The following GLIS3 variants were observed in gnomAD, a reference collection of about 807,000 sequenced individuals.
GLIS3 encodes the protein zinc finger protein GLIS3.
In GLIS3, 53 loss-of-function variants were observed where a neutral mutation model predicts 78.6. The ratio of observed to expected loss-of-function variants is 0.67; its 90% confidence interval spans 0.54 to 0.85. The LOEUF (loss-of-function observed/expected upper bound fraction) is 0.85, where lower values mean the gene tolerates loss of function less well. Ranked by LOEUF, GLIS3 falls within the 40% of genes least tolerant of loss-of-function variation. The pLI, the probability that GLIS3 is intolerant of heterozygous loss-of-function variation, is 0.00. For synonymous variants in GLIS3, 684 were observed against 509.9 expected, an observed-to-expected ratio of 1.34 and a Z score of -4.60; for missense variants, 1,703 against 1,231.1, an observed-to-expected ratio of 1.38 and a Z score of -5.74.
chr9:4,377,150 G>A, the GLIS3 span, among the ~76,000 whole-genome samples: 1 of 135,296 alleles, frequency 7.4e-6, no homozygotes, highest in African/African-American at 2.6e-5. Context: ...GGGTGTGTCT[G>A]TGAGGGTGTT....
rs557162127 is a variant in GLIS3 at position 3,982,741 on chromosome 9, T to C, written c.1711-45552A>G. On this transcript the variant is annotated intron_variant, in intron 4 of 10. Transcript: ENST00000381971. Reference sequence around the variant, plus strand: ...AGATAGTTTCAAACTCTTTTCTTCATCAAAACTTTTCTCGCCAAAACAGAA... The same window carrying C: ...AGATAGTTTCAAACTCTTTTCTTCACCAAAACTTTTCTCGCCAAAACAGAA... Among the ~76,000 whole-genome samples the C allele has an allele frequency of 1.8e-4, 27 of 152,282 alleles. No homozygotes were observed. In the South Asian group the frequency reaches 5.6e-3, roughly 32 times the overall value.
At chr9:4,282,078 C>G (rs1477249412) in intron 2 of GLIS3, among the ~76,000 whole-genome samples, 2 of 152,186 alleles carry the variant, frequency 1.3e-5, no homozygotes, top group Admixed American at 1.3e-4. Context: ...AAAGATTCTT[C>G]AGTCTTCAAG....
At chr9:4,097,887 T>C (rs1008708328) in intron 4 of GLIS3, among the ~76,000 whole-genome samples, 8 of 152,112 alleles carry the variant, frequency 5.3e-5, no homozygotes, top group Non-Finnish European at 4.4e-5. Flanking sequence ...AACAAAAAAG[T>C]CTGAATTCTA....
At chr9:4,033,443 T>C (rs779817636) in intron 4 of GLIS3, among the ~76,000 whole-genome samples, 2 of 152,072 alleles carry the variant, frequency 1.3e-5, no homozygotes, top group Non-Finnish European at 2.9e-5. Context: ...CAGCAAGGTC[T>C]AGAAGGAGGA....
chr9:3,917,765 C>T (rs1824618573), intron 6 of GLIS3, among the ~76,000 whole-genome samples: 1 of 152,142 alleles, frequency 6.6e-6, no homozygotes, highest in Non-Finnish European at 1.5e-5. Flanking sequence ...CTATTGAAAC[C>T]ACCGTTCCTG....
the GLIS3 span, among the ~76,000 whole-genome samples, chr9:4,409,149 C>T: frequency 6.6e-6 from 1 of 152,254 alleles, no homozygotes; most frequent in East Asian, 1.9e-4. Flanking sequence ...TCATTTTCTG[C>T]TTATATAAGC....
intron 4 of GLIS3, among the ~76,000 whole-genome samples, chr9:3,971,553 C>T (rs112762820): frequency 2.8e-4 from 42 of 152,258 alleles, no homozygotes; most frequent in African/African-American, 9.6e-4. Context: ...AACAAAGACA[C>T]AGACACAACT....
At chr9:4,419,899 C>T in the GLIS3 span, among the ~76,000 whole-genome samples, 1 of 152,178 alleles carries the variant, frequency 6.6e-6, no homozygotes, top group Non-Finnish European at 1.5e-5. Flanking sequence ...CATCTCCCAC[C>T]AGGCCTCACC....
intron 2 of GLIS3, among the ~76,000 whole-genome samples, chr9:4,343,873 A>G (rs542087115): frequency 6.6e-6 from 1 of 152,262 alleles, no homozygotes; most frequent in East Asian, 1.9e-4. Flanking sequence ...TTGAGTACAC[A>G]TGGACTCAAA....
At chr9:4,407,213 G>A in the GLIS3 span, among the ~76,000 whole-genome samples, 1 of 152,198 alleles carries the variant, frequency 6.6e-6, no homozygotes, top group Non-Finnish European at 1.5e-5. Flanking sequence ...TCTTCAATAA[G>A]TGACACTGGG....
chr9:4,203,707 G>A (rs181166513), intron 2 of GLIS3, among the ~76,000 whole-genome samples: 160 of 152,266 alleles, frequency 1.1e-3, no homozygotes, highest in Admixed American at 3.0e-3. Flanking sequence ...ATGAACCTAG[G>A]TGCCCCCGTC....
chr9:4,312,921 G>A (rs1817386607), intron 2 of GLIS3, among the ~76,000 whole-genome samples: 1 of 152,230 alleles, frequency 6.6e-6, no homozygotes, highest in African/African-American at 2.4e-5. Context: ...ACACTACGAG[G>A]TTGGTAACGT....
chr9:4,418,630 C>T, the GLIS3 span, among the ~76,000 whole-genome samples: 1 of 151,794 alleles, frequency 6.6e-6, no homozygotes, highest in Non-Finnish European at 1.5e-5. Context: ...ACCTGGGAGG[C>T]AGAGGTTGCA....
upstream of GLIS3, among the ~76,000 whole-genome samples, chr9:4,352,752 C>T (rs563677064): frequency 6.6e-6 from 1 of 152,318 alleles, no homozygotes; most frequent in African/African-American, 2.4e-5. Context: ...CTCTTGGCAA[C>T]AATACTTGGA....
At chr9:3,919,740 C>T (rs1202057192) in intron 6 of GLIS3, among the ~76,000 whole-genome samples, 1 of 151,580 alleles carries the variant, frequency 6.6e-6, no homozygotes, top group Non-Finnish European at 1.5e-5. Context: ...GGCTCAGTTA[C>T]CAAGAAAGGG....
chr9:4,366,058 C>G, the GLIS3 span, among the ~76,000 whole-genome samples: 5 of 152,234 alleles, frequency 3.3e-5, 1 homozygote, highest in Middle Eastern at 0.01. Context: ...TGGTGAACTT[C>G]GGACTGATTT....
intron 2 of GLIS3, among the ~76,000 whole-genome samples, chr9:4,316,342 T>C (rs1376494030): frequency 2.0e-5 from 3 of 152,348 alleles, no homozygotes; most frequent in Non-Finnish European, 4.4e-5. Context: ...ACATATTCAT[T>C]TTTTGTGGGT....
intron 2 of GLIS3, among the ~76,000 whole-genome samples, chr9:4,157,134 C>T (rs184083883): frequency 2.0e-4 from 30 of 152,228 alleles, no homozygotes; most frequent in South Asian, 4.1e-4. Flanking sequence ...CAGAAAGGTG[C>T]GTGCGGTAAT....
At chr9:4,107,288 T>C (rs904572451) in intron 4 of GLIS3, among the ~76,000 whole-genome samples, 3 of 152,160 alleles carry the variant, frequency 2.0e-5, no homozygotes, top group Admixed American at 1.3e-4. Flanking sequence ...TGTTTAAGTG[T>C]CCTCCTGGAC....
Sources: gnomAD v4.1 joint callset for allele counts (sites outside exome capture counted in the v4.1 genomes callset) on GRCh38, gnomAD v4.1.1 for gene constraint, MANE v1.5 for transcripts, NCBI Gene and HGNC (gene_info 2026-07-23, HGNC 2026-07-21) for gene names.